The following GALNT2 variants were observed in gnomAD, a reference collection of about 807,000 sequenced individuals.
GALNT2 encodes polypeptide N-acetylgalactosaminyltransferase 2, also known as UDP-GalNAc:polypeptide N-acetylgalactosaminyltransferase 2.
A neutral mutation model predicts 81.4 loss-of-function variants in GALNT2; 31 were observed. The observed-to-expected ratio is 0.38, with a 90% CI of 0.29 to 0.51. The LOEUF (loss-of-function observed/expected upper bound fraction) is 0.51. Among genes scored for constraint, GALNT2 ranks in the 20% least tolerant of loss-of-function variants. GALNT2 has a pLI of 0.87. For synonymous variants in GALNT2, 303 were observed against 287.4 expected, an observed-to-expected ratio of 1.05 and a Z score of -0.55; for missense variants, 629 against 765.7, an observed-to-expected ratio of 0.82 and a Z score of 2.11.
chr1:230,234,327 A>G (rs890152950), intron 3 of GALNT2, among the ~76,000 whole-genome samples: 8 of 152,176 alleles, frequency 5.3e-5, no homozygotes, highest in Admixed American at 3.9e-4. Flanking sequence ...TCTGAGGCTT[A>G]TTTCTGAGGT....
chr1:230,234,889 C>G (rs578087322), intron 3 of GALNT2, among the ~76,000 whole-genome samples: 1 of 152,304 alleles, frequency 6.6e-6, no homozygotes, highest in South Asian at 2.1e-4. Context: ...ACTTTAGCAT[C>G]TTCCACCTAT....
At chr1:230,278,829 G>C (rs1251232789) in intron 15 of GALNT2, among the ~76,000 whole-genome samples, 1 of 152,214 alleles carries the variant, frequency 6.6e-6, no homozygotes, top group Non-Finnish European at 1.5e-5. Flanking sequence ...GCCCTAAGTG[G>C]GAGCATGGAG....
At chr1:230,262,457 G>T in intron 11 of GALNT2, 116 bp from the exon 12 acceptor site, 1 of 811,132 alleles carries the variant, frequency 1.2e-6, no homozygotes, top group East Asian at 2.5e-5. Flanking sequence ...ATCCCAGCTG[G>T]AGCTGCTGCA....
chr1:230,156,303 A>G (rs1662255622), intron 1 of GALNT2, among the ~76,000 whole-genome samples: 1 of 151,788 alleles, frequency 6.6e-6, no homozygotes, highest in Non-Finnish European at 1.5e-5. Context: ...AATCTTGGGG[A>G]GAAAACTCCT....
At chr1:230,264,194 G>A in intron 13 of GALNT2, 1 of 152,508 alleles carries the variant, frequency 6.6e-6, no homozygotes, top group Non-Finnish European at 1.5e-5. Context: ...TCTCGGCCAT[G>A]TGCACTCAAC....
chr1:230,246,574 T>A (rs1665377025), intron 8 of GALNT2, among the ~76,000 whole-genome samples: 1 of 152,170 alleles, frequency 6.6e-6, no homozygotes, highest in Non-Finnish European at 1.5e-5. Context: ...CAGCCTGGTC[T>A]CTTTCTGGTT....
chr1:230,237,570 A>G (rs1351665319), intron 6 of GALNT2, among the ~76,000 whole-genome samples: 1 of 152,184 alleles, frequency 6.6e-6, no homozygotes, highest in African/African-American at 2.4e-5. Flanking sequence ...TTTTCTTACC[A>G]GGAATCTTAT....
intron 3 of GALNT2, among the ~76,000 whole-genome samples, chr1:230,208,021 A>G (rs1664120018): frequency 6.6e-6 from 1 of 152,252 alleles, no homozygotes; most frequent in Admixed American, 6.5e-5. Context: ...TAATTGGGAT[A>G]TCCCTCACCT....
intron 1 of GALNT2, among the ~76,000 whole-genome samples, chr1:230,152,114 A>G (rs770302787): frequency 2.6e-5 from 4 of 152,172 alleles, no homozygotes; most frequent in Admixed American, 1.3e-4. Flanking sequence ...CCGATCTCCT[A>G]TCTCATCCTG....
intron 11 of GALNT2, among the ~76,000 whole-genome samples, chr1:230,261,561 C>T (rs902931756): frequency 6.6e-6 from 1 of 152,138 alleles, no homozygotes; most frequent in African/African-American, 2.4e-5. Flanking sequence ...TTCATGGATG[C>T]TTTAAGATAA....
At chr1:230,217,067 A>G (rs1664411118) in intron 3 of GALNT2, among the ~76,000 whole-genome samples, 1 of 152,196 alleles carries the variant, frequency 6.6e-6, no homozygotes. Context: ...CACTGGGGAA[A>G]CAGCTGTGAA....
intron 2 of GALNT2, among the ~76,000 whole-genome samples, chr1:230,185,209 A>G (rs1663284466): frequency 6.6e-6 from 1 of 151,690 alleles, no homozygotes; most frequent in Admixed American, 6.6e-5. Flanking sequence ...GATCATTCCA[A>G]CATTGTTCTA....
At chr1:230,198,827 A>G (rs1663794437) in intron 2 of GALNT2, among the ~76,000 whole-genome samples, 1 of 152,228 alleles carries the variant, frequency 6.6e-6, no homozygotes, top group Non-Finnish European at 1.5e-5. Context: ...AAATTTCCTC[A>G]AAAATATTTT....
At chr1:230,063,260 G>A (rs1659091179), upstream of GALNT2, among the ~76,000 whole-genome samples, 1 of 150,790 alleles carries the variant, frequency 6.6e-6, no homozygotes, top group African/African-American at 2.4e-5. Flanking sequence ...GCAGTGAGCC[G>A]AGATTGTGCC....
chr1:230,122,087 C>T (rs1157985529), intron 1 of GALNT2, among the ~76,000 whole-genome samples: 2 of 151,652 alleles, frequency 1.3e-5, no homozygotes, highest in African/African-American at 4.8e-5. Context: ...CCAGTGTTCA[C>T]CCTTCCTCCT....
chr1:230,240,360 G>T (rs1265188097), intron 6 of GALNT2, among the ~76,000 whole-genome samples: 1 of 152,218 alleles, frequency 6.6e-6, no homozygotes, highest in Non-Finnish European at 1.5e-5. Context: ...TTGGGAGGCC[G>T]AGGTGGGCGG....
chr1:230,184,425 G>A (rs1433155344), intron 2 of GALNT2, among the ~76,000 whole-genome samples: 10 of 151,904 alleles, frequency 6.6e-5, no homozygotes, highest in Admixed American at 5.9e-4. Flanking sequence ...TCCTGACCTC[G>A]TGATCCACCC....
At chr1:230,261,843 C>T (rs1266025191) in intron 11 of GALNT2, 3 of 152,170 alleles carry the variant, frequency 2.0e-5, no homozygotes, top group Admixed American at 6.6e-5. Flanking sequence ...ACCGTCTCTA[C>T]TAAAATTACA....
intron 3 of GALNT2, among the ~76,000 whole-genome samples, chr1:230,232,831 C>T (rs1046984093): frequency 1.3e-5 from 2 of 152,158 alleles, no homozygotes; most frequent in African/African-American, 4.8e-5. Context: ...TCAGGAAAGA[C>T]TTAGATGTCA....
Sources: allele counts gnomAD v4.1 joint callset (sites outside exome capture counted in the v4.1 genomes callset), GRCh38; gene constraint gnomAD v4.1.1; transcripts MANE v1.5; gene names NCBI Gene and HGNC (gene_info 2026-07-23, HGNC 2026-07-21).